The following LRCH3 variants were observed in gnomAD, a reference collection of about 807,000 sequenced individuals.
LRCH3 encodes the protein DISP complex protein LRCH3.
A neutral mutation model predicts 104.5 loss-of-function variants in LRCH3; 68 were observed. The ratio of observed to expected loss-of-function variants is 0.65; its 90% CI spans 0.54 to 0.80. The LOEUF (loss-of-function observed/expected upper bound fraction) is 0.80, where lower values mean the gene tolerates loss of function less well. Among genes scored for constraint, LRCH3 ranks in the 30% least tolerant of loss-of-function variants. LRCH3 has a pLI of 0.00. For synonymous variants in LRCH3, 344 were observed against 361.3 expected, an observed-to-expected ratio of 0.95 and a Z score of 0.54; for missense variants, 951 against 953.9, an observed-to-expected ratio of 1.00 and a Z score of 0.04.
Position 197,791,452 on chromosome 3 carries a change from CACTGGGGTGCTGAGCCTGA to C in LRCH3, c.175_193del (p.Thr59AlafsTer5). ...ATCGAGCCCTGGAGGAGGCGGCGGT[CACTGGGGTGCTGAGCCTGA>C]GCGGCCGGAAACTGAGGGAGTTTCC... On this transcript the variant is annotated frameshift_variant, in exon 1 of 21. Coordinates refer to ENST00000425562, the MANE Select transcript of LRCH3 (RefSeq NM_001365715.1). LOFTEE classifies it high-confidence loss of function. 1 of 1,598,942 alleles carries C rather than the reference CACTGGGGTGCTGAGCCTGA, an allele frequency of 6.3e-7. No homozygotes were observed. Among genetic ancestry groups the C allele is most frequent in the Non-Finnish European group, 8.5e-7 (1 of 1,174,078 alleles).
chr3:197,883,718 C>G lies in LRCH3; in HGVS notation c.*52C>G. 1 of 1,495,922 alleles carries G rather than the reference C, an allele frequency of 6.7e-7. No individual in the cohort carries two copies. The highest frequency in any genetic ancestry group is 2.5e-5 in the East Asian group (1 of 40,026). 92.7% of individuals were successfully genotyped at this position (1,495,922 alleles called of 1,614,324 possible). A position where few individuals can be genotyped will look rare whatever the true frequency, so the allele number is the denominator to read the frequency against. ...CTGGCCAAAACAAGGAACAGGACACCGTGATTGCTGCTGCCAGCTGTCTGC... is the reference window on the plus strand; with the variant it reads ...CTGGCCAAAACAAGGAACAGGACACGGTGATTGCTGCTGCCAGCTGTCTGC... On this transcript the variant is annotated 3_prime_UTR_variant, in exon 21 of 21. Coordinates refer to ENST00000425562, the MANE Select transcript of LRCH3 (RefSeq NM_001365715.1). This position sits in a 1 kb window ranked among gnomAD's most constrained non-coding sequence, Gnocchi z 4.2.
Position 197,815,026 on chromosome 3 carries a change from A to C in LRCH3, c.381A>C (p.Leu127=). The C allele has an allele frequency of 6.6e-7, 1 of 1,525,848 alleles. No individual in the cohort carries two copies. The highest frequency in any genetic ancestry group is 8.9e-7 in the Non-Finnish European group (1 of 1,117,612). 94.5% of individuals were successfully genotyped at this position (1,525,848 alleles called of 1,614,324 possible). The change falls in exon 2 of 21, where the codon CTA becomes CTC. Residue 127 remains leucine, a synonymous_variant. Transcript: ENST00000425562. ...ATATTCCAGAGGCAATTTTAAACCTACAAGCTCTAACATTCTTAAATATTA... is the reference window on the plus strand; with the variant it reads ...ATATTCCAGAGGCAATTTTAAACCTCCAAGCTCTAACATTCTTAAATATTA... The part of the protein sequence containing the change: ...IRYIPEAILN[L]QALTFLNISR...
Position 197,885,697 on chromosome 3 carries a change from A to C in LRCH3, c.*2031A>C, listed in dbSNP as rs1252307245. The C allele has an allele frequency of 6.6e-6, 1 of 152,256 alleles. No homozygotes were observed. The highest frequency in any genetic ancestry group is 1.5e-5 in the Non-Finnish European group (1 of 68,048). 9.4% of individuals were successfully genotyped at this position (152,256 alleles called of 1,614,324 possible). A position where few individuals can be genotyped will look rare whatever the true frequency, so the allele number is the denominator to read the frequency against. ...GTGGAGGAAAAGGGCCCAAGGGCTCACACCGCACAGGAGCCTTTACTCAAG... is the reference window on the plus strand; with the variant it reads ...GTGGAGGAAAAGGGCCCAAGGGCTCCCACCGCACAGGAGCCTTTACTCAAG... On this transcript the variant is annotated 3_prime_UTR_variant, in exon 21 of 21. Transcript: ENST00000425562.
At chr3:197,819,937 T>C (rs1285940250) in intron 3 of LRCH3, among the ~76,000 whole-genome samples, 1 of 152,300 alleles carries the variant, frequency 6.6e-6, no homozygotes, top group East Asian at 1.9e-4. Context: ...CTGAAACTCC[T>C]GGGCTCACGT....
chr3:197,815,024 C>A lies in LRCH3; in HGVS notation c.379C>A (p.Leu127Ile). 6.5e-7 allele frequency: 1 copy of A among 1,535,792 alleles called. No individual in the cohort carries two copies. Among genetic ancestry groups the A allele is most frequent in the Non-Finnish European group, 8.9e-7 (1 of 1,123,652 alleles). ...IRYIPEAILN[L>I]QALTFLNISR... ...TTATATTCCAGAGGCAATTTTAAAC[C>A]TACAAGCTCTAACATTCTTAAATAT... The change falls in exon 2 of 21, where the codon CTA (leucine) becomes ATA (isoleucine). Residue 127 changes from leucine to isoleucine, a missense_variant. By Grantham distance (5) the Leu-to-Ile change is conservative (BLOSUM62 2). Coordinates refer to ENST00000425562, the MANE Select transcript of LRCH3 (RefSeq NM_001365715.1).
At chr3:197,870,374 ATT>A in intron 18 of LRCH3, 96 bp downstream of exon 18, 15 of 1,124,814 alleles carry the variant, frequency 1.3e-5, no homozygotes, top group South Asian at 1.7e-5. Context: ...ATTTTTATTT[ATT>A]TTTTTTTTAG....
intron 15 of LRCH3, among the ~76,000 whole-genome samples, chr3:197,861,453 T>C (rs1436531610): frequency 1.3e-5 from 2 of 152,226 alleles, no homozygotes; most frequent in Admixed American, 1.3e-4. Context: ...GAGAGTTGTT[T>C]TGACTGTGCC....
chr3:197,833,621 G>A (rs1560556846), intron 8 of LRCH3, among the ~76,000 whole-genome samples: 1 of 151,890 alleles, frequency 6.6e-6, no homozygotes, highest in African/African-American at 2.4e-5. Flanking sequence ...GACTTCCTTT[G>A]AAAAAAAGCG....
At chr3:197,855,603 C>T (rs1250669259) in intron 14 of LRCH3, among the ~76,000 whole-genome samples, 1 of 152,182 alleles carries the variant, frequency 6.6e-6, no homozygotes, top group African/African-American at 2.4e-5. Flanking sequence ...AAACACCATA[C>T]TGAAACTGAA....
intron 20 of LRCH3, chr3:197,881,560 CAGT>C (rs1393107500): frequency 3.1e-6 from 3 of 982,874 alleles, no homozygotes; most frequent in Admixed American, 6.2e-5. Flanking sequence ...AATAGTGAAA[CAGT>C]AGCAGGAGAA....
intron 15 of LRCH3, among the ~76,000 whole-genome samples, chr3:197,861,657 A>G (rs1740897984): frequency 6.6e-6 from 1 of 152,308 alleles, no homozygotes; most frequent in East Asian, 1.9e-4. Flanking sequence ...CACAGCAATT[A>G]TACATTATAC....
At chr3:197,850,656 C>T in intron 12 of LRCH3, 1 of 1,546,318 alleles carries the variant, frequency 6.5e-7, no homozygotes, top group Non-Finnish European at 8.9e-7. Flanking sequence ...TTCAGCATCA[C>T]TCTCTGCATT....
chr3:197,859,797 A>G (rs1056101654), intron 15 of LRCH3, among the ~76,000 whole-genome samples: 1 of 151,952 alleles, frequency 6.6e-6, no homozygotes, highest in Non-Finnish European at 1.5e-5. Context: ...ACAAAATACA[A>G]TATTTTTTTA....
intron 15 of LRCH3, among the ~76,000 whole-genome samples, chr3:197,860,240 G>A (rs1367731405): frequency 6.6e-6 from 1 of 152,112 alleles, no homozygotes; most frequent in African/African-American, 2.4e-5. Context: ...GGGCTCAAGA[G>A]ATCATCCTGC....
chr3:197,822,768 A>G (rs1482782483), intron 4 of LRCH3: 1 of 151,748 alleles, frequency 6.6e-6, no homozygotes, highest in Non-Finnish European at 1.5e-5. Flanking sequence ...ACCAAATAAT[A>G]TGTTACATCA....
At chr3:197,882,173 G>A (rs2109582401) in intron 20 of LRCH3, 1 of 985,456 alleles carries the variant, frequency 1.0e-6, no homozygotes, top group Admixed American at 6.1e-5. Flanking sequence ...GCCCCAGAAA[G>A]CACAGGCTTC....
intron 5 of LRCH3, among the ~76,000 whole-genome samples, chr3:197,828,703 CTTTT>C (rs752665561): frequency 8.0e-5 from 9 of 112,834 alleles, no homozygotes; most frequent in African/African-American, 2.7e-4. Flanking sequence ...ATATGTTACT[CTTTT>C]TTTTTTTTTT....
intron 15 of LRCH3, among the ~76,000 whole-genome samples, chr3:197,861,094 T>G (rs1388014160): frequency 6.6e-6 from 1 of 151,946 alleles, no homozygotes; most frequent in Non-Finnish European, 1.5e-5. Flanking sequence ...TGCCTCAGGC[T>G]TCCGAGTAGC....
chr3:197,840,448 C>T (rs1368582512), intron 10 of LRCH3, among the ~76,000 whole-genome samples: 3 of 141,404 alleles, frequency 2.1e-5, no homozygotes, highest in Non-Finnish European at 4.6e-5. Context: ...CAGACTGAGA[C>T]TCCATCTCAA....
Sources: gnomAD v4.1 joint callset for allele counts (sites outside exome capture counted in the v4.1 genomes callset) on GRCh38, gnomAD v4.1.1 for gene constraint, Gnocchi (gnomAD v3.1) non-coding constraint, MANE v1.5 for transcripts, NCBI Gene and HGNC (gene_info 2026-07-23, HGNC 2026-07-21) for gene names.